Variants in CMC1 observed in about 807,000 individuals in gnomAD.
The protein encoded by CMC1 is COX assembly mitochondrial protein homolog.
In CMC1, 14 loss-of-function variants were observed where a neutral mutation model predicts 14.1. The observed-to-expected ratio is 0.99, with a 90% CI of 0.66 to 1.55. CMC1 has a LOEUF of 1.55. Ranked by LOEUF, CMC1 falls within the 40% of genes most tolerant of loss-of-function variation. The pLI, the probability that CMC1 is intolerant of heterozygous loss-of-function variation, is 0.00. For missense variants in CMC1, 127 were observed against 123.8 expected, an observed-to-expected ratio of 1.03 and a Z score of -0.12; for synonymous variants, 50 against 38.4, an observed-to-expected ratio of 1.30 and a Z score of -1.12.
intron 2 of CMC1, among the ~76,000 whole-genome samples, chr3:28,265,868 T>C (rs1183676399): frequency 6.6e-6 from 1 of 152,206 alleles, no homozygotes; most frequent in Non-Finnish European, 1.5e-5. Context: ...TTGCTAGCAT[T>C]AATTAGTTTC....
chr3:28,309,821 C>CCACACACA (rs57499697), intron 2 of CMC1, among the ~76,000 whole-genome samples: 10,667 of 131,720 alleles, frequency 0.081, 623 homozygotes, highest in Non-Finnish European at 0.087. Context: ...CTGATATTTA[C>CCACACACA]CACACACACA....
At chr3:28,265,133 C>T (rs1038640678) in intron 2 of CMC1, among the ~76,000 whole-genome samples, 1 of 151,976 alleles carries the variant, frequency 6.6e-6, no homozygotes, top group Admixed American at 6.6e-5. Flanking sequence ...AATATACTTA[C>T]GGTTTCTGAA....
chr3:28,253,781 T>A (rs1025534664), intron 1 of CMC1: 1 of 1,242,838 alleles, frequency 8.0e-7, no homozygotes, highest in African/African-American at 1.5e-5. Flanking sequence ...TGTTAACTAG[T>A]AAATTTTTTA....
At chr3:28,259,859 G>A (rs1699641407) in intron 1 of CMC1, among the ~76,000 whole-genome samples, 1 of 151,878 alleles carries the variant, frequency 6.6e-6, no homozygotes, top group African/African-American at 2.4e-5. Flanking sequence ...GTACTCATAT[G>A]TGTGTGTGTA....
intron 2 of CMC1, among the ~76,000 whole-genome samples, chr3:28,293,613 G>T (rs556717715): frequency 1.3e-5 from 2 of 152,188 alleles, no homozygotes; most frequent in South Asian, 2.1e-4. Context: ...ATGGAGTCTT[G>T]CTCTGTCACC....
At chr3:28,279,951 C>T (rs892118987) in intron 2 of CMC1, among the ~76,000 whole-genome samples, 1 of 152,120 alleles carries the variant, frequency 6.6e-6, no homozygotes, top group African/African-American at 2.4e-5. Flanking sequence ...CAAAAAAGGC[C>T]TGTATGCTAA....
chr3:28,289,127 A>G (rs1701342671), intron 2 of CMC1, among the ~76,000 whole-genome samples: 1 of 151,164 alleles, frequency 6.6e-6, no homozygotes, highest in Non-Finnish European at 1.5e-5. Context: ...AAGTTTTTGA[A>G]TTAAGACTAA....
At chr3:28,268,210 A>G (rs1400763642) in intron 2 of CMC1, among the ~76,000 whole-genome samples, 1 of 152,190 alleles carries the variant, frequency 6.6e-6, no homozygotes, top group Non-Finnish European at 1.5e-5. Context: ...CACTAGGAAG[A>G]CTGACAGGAC....
chr3:28,267,432 G>A (rs75356930), intron 2 of CMC1, among the ~76,000 whole-genome samples: 2,288 of 152,098 alleles, frequency 0.015, 69 homozygotes, highest in African/African-American at 0.052. Flanking sequence ...AAAGTATTTT[G>A]TCATCAGGGA....
chr3:28,244,180 C>A (rs1476138260), intron 1 of CMC1, among the ~76,000 whole-genome samples: 2 of 152,108 alleles, frequency 1.3e-5, no homozygotes, highest in Non-Finnish European at 2.9e-5. Flanking sequence ...CATCAAATGC[C>A]TTTAGAATCT....
intron 2 of CMC1, among the ~76,000 whole-genome samples, chr3:28,290,014 A>G (rs1057482047): frequency 2.0e-5 from 3 of 152,278 alleles, no homozygotes; most frequent in African/African-American, 7.2e-5. Context: ...ACAAGAAAAC[A>G]TATGAAACCC....
chr3:28,289,600 C>G (rs1208102464), intron 2 of CMC1, among the ~76,000 whole-genome samples: 2 of 152,002 alleles, frequency 1.3e-5, no homozygotes, highest in East Asian at 3.9e-4. Flanking sequence ...GGGAGAAAGT[C>G]TGTGATCTCA....
chr3:28,278,661 G>A (rs1700716560), intron 2 of CMC1, among the ~76,000 whole-genome samples: 1 of 152,164 alleles, frequency 6.6e-6, no homozygotes, highest in Non-Finnish European at 1.5e-5. Flanking sequence ...ACTACTATGT[G>A]CAATACATGG....
At chr3:28,309,767 C>T (rs952408649) in intron 2 of CMC1, among the ~76,000 whole-genome samples, 2 of 151,466 alleles carry the variant, frequency 1.3e-5, no homozygotes, top group Admixed American at 1.3e-4. Context: ...AACATTTTAA[C>T]ATTGCCTACT....
chr3:28,253,714 T>C, intron 1 of CMC1: 1 of 1,270,904 alleles, frequency 7.9e-7, no homozygotes, highest in Non-Finnish European at 1.0e-6. Context: ...CAAGCATTTT[T>C]CATGTTTTTC....
intron 2 of CMC1, among the ~76,000 whole-genome samples, chr3:28,315,687 A>G (rs1407739394): frequency 1.3e-5 from 2 of 152,168 alleles, no homozygotes; most frequent in Non-Finnish European, 2.9e-5. Context: ...GACTACATAT[A>G]TGATGGTGGT....
intron 1 of CMC1, chr3:28,262,993 T>G (rs1699810682): frequency 3.8e-6 from 1 of 260,248 alleles, no homozygotes; most frequent in African/African-American, 2.3e-5. Context: ...GGGAATGATT[T>G]AGATGCCAAC....
At chr3:28,284,285 T>C (rs1344534610) in intron 2 of CMC1, among the ~76,000 whole-genome samples, 1 of 152,178 alleles carries the variant, frequency 6.6e-6, no homozygotes, top group Non-Finnish European at 1.5e-5. Context: ...TATCTTTTTC[T>C]TTCATATCTT....
intron 1 of CMC1, among the ~76,000 whole-genome samples, chr3:28,262,019 T>A (rs1019454776): frequency 2.4e-4 from 36 of 152,266 alleles, no homozygotes; most frequent in African/African-American, 8.4e-4. Context: ...GCATTTTAGT[T>A]CCTATATATC....
Sources: gnomAD v4.1 joint callset for allele counts (sites outside exome capture counted in the v4.1 genomes callset) on GRCh38, gnomAD v4.1.1 for gene constraint, MANE v1.5 for transcripts, NCBI Gene and HGNC (gene_info 2026-07-23, HGNC 2026-07-21) for gene names.